HPSE2: variants seen among roughly 807,000 people sequenced by gnomAD.
HPSE2 encodes the protein heparanase 2 (inactive), also known as inactive heparanase-2.
Under a neutral mutation model 60.5 loss-of-function variants are expected in HPSE2, and 38 were observed. That is an observed-to-expected ratio of 0.63 (90% CI 0.48 to 0.82). The LOEUF (loss-of-function observed/expected upper bound fraction) is 0.82, where lower values mean the gene tolerates loss of function less well. Ranked by LOEUF, HPSE2 falls within the 40% of genes least tolerant of loss-of-function variation. The probability of loss-of-function intolerance (pLI) is 0.00; values close to 1 mark genes in which losing one functional copy is unlikely to be tolerated. For missense variants in HPSE2, 713 were observed against 740.4 expected (o/e 0.96, Z 0.43); for synonymous variants, 295 against 293.2 (o/e 1.01, Z -0.06).
At chr10:99,054,707 TTTTG>T (rs1038214071) in intron 3 of HPSE2, among the ~76,000 whole-genome samples, 54 of 152,298 alleles carry the variant, frequency 3.5e-4, no homozygotes, top group Admixed American at 2.6e-3. Flanking sequence ...ATTTATTGTT[TTTTG>T]TTTGTTTGTT....
At chr10:99,168,128 G>A (rs977341328) in intron 2 of HPSE2, among the ~76,000 whole-genome samples, 3 of 107,478 alleles carry the variant, frequency 2.8e-5, no homozygotes, top group Admixed American at 1.0e-4. Flanking sequence ...ACACACACAC[G>A]GCTTTGTAGG....
At chr10:99,005,176 G>A (rs72836795) in intron 3 of HPSE2, among the ~76,000 whole-genome samples, 1 of 151,974 alleles carries the variant, frequency 6.6e-6, no homozygotes, top group African/African-American at 2.4e-5. Flanking sequence ...CTTTTACCTA[G>A]ATCTCTGGAT....
At chr10:98,516,109 T>C (rs972231694) in intron 9 of HPSE2, among the ~76,000 whole-genome samples, 4 of 152,196 alleles carry the variant, frequency 2.6e-5, no homozygotes, top group African/African-American at 9.6e-5. Flanking sequence ...GGCAGAAGGG[T>C]CCGTGTTTGT....
In HPSE2 at chr10:98,716,990, T is replaced by A. The variant is rs1948807501; in HGVS notation, c.956+4667A>T. ...GAGTTTCAGATTTCCAAGAGAAGGATGTCTCATCCATATTGAAAATCGGTT... is the reference window on the plus strand; with the variant it reads ...GAGTTTCAGATTTCCAAGAGAAGGAAGTCTCATCCATATTGAAAATCGGTT... On this transcript the variant is annotated intron_variant, in intron 5 of 11. Transcript: ENST00000370552. Among the ~76,000 whole-genome samples the A allele has an allele frequency of 2.0e-5, 3 of 152,100 alleles. No individual in the cohort carries two copies. The South Asian group carries it at 6.2e-4, about 32-fold the overall frequency.
intron 3 of HPSE2, among the ~76,000 whole-genome samples, chr10:98,842,497 ATT>A (rs1202350888): frequency 7.5e-6 from 1 of 134,098 alleles, no homozygotes. Flanking sequence ...ACTTCTTTTG[ATT>A]TTTTTTTTTA....
At chr10:98,723,119 A>C (rs974207227) in intron 4 of HPSE2, among the ~76,000 whole-genome samples, 5 of 152,116 alleles carry the variant, frequency 3.3e-5, no homozygotes, top group Admixed American at 2.6e-4. Flanking sequence ...GATAGCTCTT[A>C]TTATTTTGAG....
At chr10:99,305,961 A>ATACGCGTG in the HPSE2 span, among the ~76,000 whole-genome samples, 15 of 103,052 alleles carry the variant, frequency 1.5e-4, no homozygotes, top group African/African-American at 5.7e-4. Flanking sequence ...ACTCACACAC[A>ATACGCGTG]CGCGCGCGCG....
chr10:98,903,032 TCAG>T (rs1343965373), intron 3 of HPSE2, among the ~76,000 whole-genome samples: 1 of 152,078 alleles, frequency 6.6e-6, no homozygotes, highest in East Asian at 1.9e-4. Flanking sequence ...TAAATGTCCA[TCAG>T]CAGCAGAATT....
intron 3 of HPSE2, among the ~76,000 whole-genome samples, chr10:99,039,393 T>C (rs560013524): frequency 6.6e-6 from 1 of 152,058 alleles, no homozygotes; most frequent in South Asian, 2.1e-4. Context: ...CTTTTTAAAA[T>C]AGGAATACTT....
chr10:99,017,602 A>G (rs2487884), intron 3 of HPSE2, among the ~76,000 whole-genome samples: 1,710 of 152,142 alleles, frequency 0.011, 6 homozygotes, highest in Non-Finnish European at 0.018. Flanking sequence ...TAGAATTAGT[A>G]CCAGTTCTTC....
At chr10:99,263,548 GCATCAGATTC>G in the HPSE2 span, among the ~76,000 whole-genome samples, 20 of 152,270 alleles carry the variant, frequency 1.3e-4, no homozygotes, top group African/African-American at 4.8e-4. Flanking sequence ...CCATCAAAAG[GCATCAGATTC>G]CATCACTCAG....
chr10:98,459,358 T>G lies in HPSE2; in HGVS notation c.*216A>C. The stretch of plus-strand genomic sequence containing the variant: ...GCCTTTATCCTTATATAGGTACAGG[T>G]GATGTCTACATTTTCCTTTGGGATG... On this transcript the variant is annotated 3_prime_UTR_variant, in exon 12 of 12. Coordinates refer to ENST00000370552, the MANE Select transcript of HPSE2 (RefSeq NM_021828.5). 1.6e-6 allele frequency: 1 copy of G among 629,532 alleles called. No homozygotes were observed. Among genetic ancestry groups the G allele is most frequent in the Non-Finnish European group, 2.9e-6 (1 of 347,282 alleles). 39.0% of individuals were successfully genotyped at this position (629,532 alleles called of 1,614,324 possible).
intron 3 of HPSE2, among the ~76,000 whole-genome samples, chr10:98,998,929 AGG>A (rs1464610696): frequency 6.6e-6 from 1 of 152,148 alleles, no homozygotes; most frequent in Non-Finnish European, 1.5e-5. Flanking sequence ...TTCTGCCCGA[AGG>A]GCAAGCCAAG....
chr10:98,949,528 G>T (rs1955292144), intron 3 of HPSE2, among the ~76,000 whole-genome samples: 1 of 152,182 alleles, frequency 6.6e-6, no homozygotes, highest in South Asian at 2.1e-4. Flanking sequence ...GAGAGCAGCA[G>T]AGTTTACAGA....
chr10:99,060,976 G>A (rs1049591327), intron 3 of HPSE2, among the ~76,000 whole-genome samples: 1 of 152,034 alleles, frequency 6.6e-6, no homozygotes, highest in African/African-American at 2.4e-5. Context: ...AGAGAGTCAG[G>A]ATAGTTAATA....
chr10:99,272,495 A>T, the HPSE2 span, among the ~76,000 whole-genome samples: 7 of 152,212 alleles, frequency 4.6e-5, no homozygotes, highest in Non-Finnish European at 1.0e-4. Flanking sequence ...GACAGCCCAC[A>T]GAGTGGGAGA....
chr10:99,231,070 C>T (rs1849628953), intron 2 of HPSE2, among the ~76,000 whole-genome samples: 1 of 152,166 alleles, frequency 6.6e-6, no homozygotes, highest in Non-Finnish European at 1.5e-5. Flanking sequence ...CATGCTTTGG[C>T]AAATGTTATA....
intron 2 of HPSE2, among the ~76,000 whole-genome samples, chr10:99,183,588 T>A (rs181806321): frequency 6.6e-6 from 1 of 152,216 alleles, no homozygotes; most frequent in Non-Finnish European, 1.5e-5. Flanking sequence ...CCCTGCTATA[T>A]AAACCCCTAA....
intron 6 of HPSE2, among the ~76,000 whole-genome samples, chr10:98,651,724 T>C (rs894942589): frequency 6.6e-6 from 1 of 152,046 alleles, no homozygotes; most frequent in African/African-American, 2.4e-5. Context: ...TGCTATCATT[T>C]TGAAGTCATG....
Sources: gnomAD v4.1 joint callset for allele counts (sites outside exome capture counted in the v4.1 genomes callset) on GRCh38, gnomAD v4.1.1 for gene constraint, MANE v1.5 for transcripts, NCBI Gene and HGNC (gene_info 2026-07-23, HGNC 2026-07-21) for gene names.